CAAP1: variants seen among roughly 807,000 people sequenced by gnomAD.
CAAP1 encodes the protein conserved anti-apoptotic protein.
In CAAP1, 20 loss-of-function variants were observed where a neutral mutation model predicts 34.0. The ratio of observed to expected loss-of-function variants is 0.59; its 90% CI spans 0.41 to 0.86. The LOEUF is 0.86. Among genes scored for constraint, CAAP1 ranks in the 40% least tolerant of loss-of-function variants. The probability of loss-of-function intolerance (pLI) is 0.00; values close to 1 mark genes in which losing one functional copy is unlikely to be tolerated. For synonymous variants in CAAP1, 213 were observed against 166.7 expected, an observed-to-expected ratio of 1.28 and a Z score of -2.14; for missense variants, 538 against 450.5, an observed-to-expected ratio of 1.19 and a Z score of -1.76.
chr9:26,872,293 ACTC>A (rs1281891056), intron 4 of CAAP1, among the ~76,000 whole-genome samples: 1 of 151,952 alleles, frequency 6.6e-6, no homozygotes, highest in African/African-American at 2.4e-5. Flanking sequence ...TCTGCAGGAA[ACTC>A]CTGTTTTGAA....
At chr9:26,889,940 TTATCTACATGCCTAA>T (rs1164523861) in intron 1 of CAAP1, among the ~76,000 whole-genome samples, 1 of 151,672 alleles carries the variant, frequency 6.6e-6, no homozygotes, top group African/African-American at 2.4e-5. Flanking sequence ...GTTTGAAATG[TTATCTACATGCCTAA>T]TATGCAATGA....
intron 4 of CAAP1, among the ~76,000 whole-genome samples, chr9:26,868,775 T>A (rs1194261935): frequency 1.3e-5 from 2 of 152,122 alleles, no homozygotes; most frequent in Admixed American, 1.3e-4. Context: ...CGTTCATTTA[T>A]TAATAAAAAA....
chr9:26,880,335 G>A, intron 4 of CAAP1: 2 of 317,592 alleles, frequency 6.3e-6, no homozygotes, highest in Non-Finnish European at 1.2e-5. Flanking sequence ...AATTTCTCAA[G>A]CCAGACCGTG....
At chr9:26,877,518 A>C (rs1823471745) in intron 4 of CAAP1, among the ~76,000 whole-genome samples, 1 of 152,178 alleles carries the variant, frequency 6.6e-6, no homozygotes, top group Non-Finnish European at 1.5e-5. Flanking sequence ...GCCTATCTGC[A>C]TCCTTCTTTC....
chr9:26,885,608 T>C (rs1463185759), intron 3 of CAAP1, among the ~76,000 whole-genome samples: 4 of 152,078 alleles, frequency 2.6e-5, no homozygotes, highest in Admixed American at 6.6e-5. Flanking sequence ...AAAAAATGCC[T>C]GATAATCCAA....
chr9:26,860,776 G>A (rs1045537329), intron 5 of CAAP1, among the ~76,000 whole-genome samples: 4 of 152,052 alleles, frequency 2.6e-5, no homozygotes, highest in African/African-American at 9.7e-5. Context: ...GGGCGACAGG[G>A]CAAGACTCTG....
In CAAP1 at chr9:26,884,849, G is replaced by C. The variant is rs773390444; in HGVS notation, c.626C>G (p.Ala209Gly). 3 of 1,609,314 alleles carry C rather than the reference G, an allele frequency of 1.9e-6. No homozygotes were observed. The highest frequency in any genetic ancestry group is 2.5e-6 in the Non-Finnish European group (3 of 1,179,146). ...AGATCCCATCTTAGAACCATCATCT[G>C]CTTCCTCTTCCATATCAGAGTCCAT... ...NGMDSDMEEE[A>G]DDGSKMGSDL... Residue 209 changes from alanine (A) to glycine (G), a missense_variant, in exon 4 of 6, where the codon GCA (alanine) becomes GGA (glycine). This residue lies in a region of CAAP1 where 514 missense variants were observed against 408.4 expected (regional missense o/e 1.26). Coordinates refer to ENST00000333916, the MANE Select transcript of CAAP1 (RefSeq NM_024828.4).
intron 5 of CAAP1, among the ~76,000 whole-genome samples, chr9:26,844,133 A>G (rs113354824): frequency 0.043 from 6,503 of 152,146 alleles, 476 homozygotes; most frequent in African/African-American, 0.15. Flanking sequence ...TGAGGTGGGC[A>G]GATCACCTGG....
At chr9:26,858,779 C>T (rs969233140) in intron 5 of CAAP1, among the ~76,000 whole-genome samples, 1 of 149,246 alleles carries the variant, frequency 6.7e-6, no homozygotes, top group African/African-American at 2.5e-5. Context: ...GCTGATATTG[C>T]ACCACTGCAC....
In CAAP1 at chr9:26,853,151, G is replaced by A. The variant is rs112793969; in HGVS notation, c.739+7915C>T. 7.9e-5 allele frequency among the ~76,000 whole-genome samples: 12 copies of A among 152,276 alleles called. 2 individuals carry two copies. The highest frequency in any genetic ancestry group is 2.9e-4 in the African/African-American group (12 of 41,578). ...CAGTACAAAATAATCAGACTGCTGTGTGAAAGAGACTCCCGGGAGCATGGA... is the reference window on the plus strand; with the variant it reads ...CAGTACAAAATAATCAGACTGCTGTATGAAAGAGACTCCCGGGAGCATGGA... On this transcript the variant is annotated intron_variant, in intron 5 of 5. Coordinates refer to ENST00000333916, the MANE Select transcript of CAAP1 (RefSeq NM_024828.4).
At chr9:26,879,060 G>A (rs563674240) in intron 4 of CAAP1, among the ~76,000 whole-genome samples, 123 of 152,276 alleles carry the variant, frequency 8.1e-4, no homozygotes, top group Non-Finnish European at 9.9e-4. Flanking sequence ...TGACTTTGGA[G>A]AAATGTACAC....
At chr9:26,885,009 C>T (rs2081743670) in intron 3 of CAAP1, 124 bp from the exon 4 acceptor site, 5 of 551,538 alleles carry the variant, frequency 9.1e-6, no homozygotes, top group South Asian at 4.7e-5. Context: ...TGGGTCAAAA[C>T]TTAAATTTTT....
chr9:26,877,131 G>A (rs916389948), intron 4 of CAAP1, among the ~76,000 whole-genome samples: 18 of 152,092 alleles, frequency 1.2e-4, no homozygotes, highest in Non-Finnish European at 2.2e-4. Context: ...GCAAAAGAGC[G>A]AGACCTGCCT....
chr9:26,884,779 T>G (rs539707752), intron 4 of CAAP1, 31 bp downstream of exon 4: 2 of 1,466,970 alleles, frequency 1.4e-6, no homozygotes, highest in East Asian at 2.3e-5. Context: ...CAAAGAAATT[T>G]TGAAATAAAA....
intron 2 of CAAP1, 85 bp from the exon 3 acceptor site, chr9:26,886,273 G>C: frequency 5.3e-6 from 3 of 568,996 alleles, no homozygotes; most frequent in Non-Finnish European, 8.5e-6. Flanking sequence ...AAAAATTTAA[G>C]TTAGCAAAAT....
At chr9:26,881,979 T>C (rs1823603826) in intron 4 of CAAP1, among the ~76,000 whole-genome samples, 1 of 152,194 alleles carries the variant, frequency 6.6e-6, no homozygotes, top group African/African-American at 2.4e-5. Flanking sequence ...TGGCAGCATT[T>C]TGCCCTTGAG....
intron 4 of CAAP1, among the ~76,000 whole-genome samples, chr9:26,866,664 T>C (rs572672825): frequency 2.0e-5 from 3 of 152,332 alleles, no homozygotes; most frequent in East Asian, 3.9e-4. Context: ...ACATGGATTC[T>C]TGGACCATCT....
At chr9:26,883,085 C>A (rs1335047772) in intron 4 of CAAP1, among the ~76,000 whole-genome samples, 1 of 152,122 alleles carries the variant, frequency 6.6e-6, no homozygotes, top group Non-Finnish European at 1.5e-5. Context: ...AGCCTTTGGA[C>A]TGTAGACTTT....
intron 5 of CAAP1, among the ~76,000 whole-genome samples, chr9:26,858,990 C>A (rs1317799741): frequency 4.9e-5 from 6 of 122,366 alleles, no homozygotes; most frequent in African/African-American, 2.0e-4. Context: ...GAGCGAGAGA[C>A]TGTCTCAAAA....
Sources: gnomAD v4.1 joint callset for allele counts (sites outside exome capture counted in the v4.1 genomes callset) on GRCh38, gnomAD v4.1.1 for gene constraint, gnomAD v4.1.1 regional missense constraint, MANE v1.5 for transcripts, NCBI Gene and HGNC (gene_info 2026-07-23, HGNC 2026-07-21) for gene names.